The following DRAXIN variants were observed in gnomAD, a reference collection of about 807,000 sequenced individuals.
The protein encoded by DRAXIN is dorsal inhibitory axon guidance protein, also known as dorsal repulsive axon guidance protein.
A neutral mutation model predicts 33.9 loss-of-function variants in DRAXIN; 27 were observed. The ratio of observed to expected loss-of-function variants is 0.80; its 90% CI spans 0.59 to 1.10. DRAXIN has a LOEUF of 1.10. Ranked by LOEUF, DRAXIN falls within the 50% of genes least tolerant of loss-of-function variation. The pLI is 0.00. For synonymous variants in DRAXIN, 178 were observed against 194.0 expected, an observed-to-expected ratio of 0.92 and a Z score of 0.69; for missense variants, 371 against 460.8, an observed-to-expected ratio of 0.81 and a Z score of 1.78.
intron 1 of DRAXIN, among the ~76,000 whole-genome samples, chr1:11,703,931 G>A (rs1474429440): frequency 6.6e-6 from 1 of 152,164 alleles, no homozygotes; most frequent in African/African-American, 2.4e-5. Context: ...AGTGGGGCAG[G>A]AGTGGGAGTT....
Position 11,694,758 on chromosome 1 carries a change from G to T in DRAXIN, c.-11+2905G>T, listed in dbSNP as rs1047563792. Among the ~76,000 whole-genome samples, 5 of 152,148 alleles carry T rather than the reference G, an allele frequency of 3.3e-5. No individual in the cohort carries two copies. Among genetic ancestry groups the T allele is most frequent in the Non-Finnish European group, 7.3e-5 (5 of 68,030 alleles). ...CCCTACTCCAGCCTTCCTTCTCAGG[G>T]GTGAGTCGCTGTGGCCAGTGGTCCC... On this transcript the variant is annotated intron_variant, in intron 1 of 6. Coordinates refer to ENST00000294485, the MANE Select transcript of DRAXIN (RefSeq NM_198545.4). The surrounding 1 kb of genome is among the most constrained non-coding windows in gnomAD (Gnocchi z 4.9).
At chr1:11,718,642 A>AT (rs1641615713) in intron 6 of DRAXIN, among the ~76,000 whole-genome samples, 1 of 151,936 alleles carries the variant, frequency 6.6e-6, no homozygotes, top group Non-Finnish European at 1.5e-5. Flanking sequence ...TAATTTTTAC[A>AT]TTTTTTGTAG....
chr1:11,719,094 G>A lies in DRAXIN; in HGVS notation c.938-490G>A, dbSNP rs141825264. On this transcript the variant is annotated intron_variant, in intron 6 of 6. Coordinates refer to ENST00000294485, the MANE Select transcript of DRAXIN (RefSeq NM_198545.4). ...TTTTGTATTTTTTTAAGTAGAGACG[G>A]GGTTTCACCATGTTGGCCAGGCTGG... Among the ~76,000 whole-genome samples, 358 of 152,194 alleles carry A rather than the reference G, an allele frequency of 2.4e-3. 3 individuals are homozygous for A. The highest frequency in any genetic ancestry group is 8.3e-3 in the African/African-American group (343 of 41,556).
intron 2 of DRAXIN, 22 bp from the exon 3 acceptor site, chr1:11,709,253 T>TG: frequency 6.3e-7 from 1 of 1,592,612 alleles, no homozygotes; most frequent in Non-Finnish European, 8.6e-7. Context: ...ATAGCCCCCG[T>TG]GCTCCCCACC....
rs1641369154 is a variant in DRAXIN, at chr1:11,705,863, T to A, written c.-10-386T>A. Among the ~76,000 whole-genome samples the A allele has an allele frequency of 6.6e-6, 1 of 152,192 alleles. No individual in the cohort carries two copies. The highest frequency in any genetic ancestry group is 6.6e-5 in the Admixed American group (1 of 15,262). On this transcript the variant is annotated intron_variant, in intron 1 of 6. Coordinates refer to ENST00000294485, the MANE Select transcript of DRAXIN (RefSeq NM_198545.4). The surrounding 1 kb of genome is among the most constrained non-coding windows in gnomAD (Gnocchi z 4.8). ...ATTTCTGAGCTCTGAGGGACTCGGT[T>A]CCCTCTAGGGGACTTGGTAAGGGGC...
At chr1:11,699,926 C>CAATAAATAAATA (rs60342076) in intron 1 of DRAXIN, among the ~76,000 whole-genome samples, 144 of 142,714 alleles carry the variant, frequency 1.0e-3, no homozygotes, top group African/African-American at 3.4e-3. Context: ...GACTCACTCT[C>CAATAAATAAATA]AATAAATAAA....
At chr1:11,688,225 T>A (rs545512998), upstream of DRAXIN, among the ~76,000 whole-genome samples, 45 of 152,294 alleles carry the variant, frequency 3.0e-4, no homozygotes, top group African/African-American at 1.0e-3. The surrounding 1 kb of genome is among the most constrained non-coding windows in gnomAD (Gnocchi z 4.6). Flanking sequence ...GGTCTCTTGC[T>A]TTCACCCTTG....
Position 11,706,222 on chromosome 1 carries a change from G to A in DRAXIN, c.-10-27G>A, listed in dbSNP as rs760261931. On this transcript the variant is annotated intron_variant, in intron 1 of 6. Coordinates refer to ENST00000294485, the MANE Select transcript of DRAXIN (RefSeq NM_198545.4). The surrounding 1 kb of genome is among the most constrained non-coding windows in gnomAD (Gnocchi z 5.5). Reference sequence around the variant, plus strand: ...GCAGCAGAGAGAGGCCTGGGGCTGCGCATTCATGGTGTTGCTCTTCTTGCA... The same window carrying A: ...GCAGCAGAGAGAGGCCTGGGGCTGCACATTCATGGTGTTGCTCTTCTTGCA... 12 of 1,517,798 alleles carry A rather than the reference G, an allele frequency of 7.9e-6. No individual in the cohort carries two copies. Among genetic ancestry groups the A allele is most frequent in the South Asian group, 7.7e-5 (6 of 77,740 alleles). 94.0% of individuals were successfully genotyped at this position (1,517,798 alleles called of 1,614,324 possible).
At chr1:11,699,875 C>T (rs941023400) in intron 1 of DRAXIN, among the ~76,000 whole-genome samples, 11 of 151,870 alleles carry the variant, frequency 7.2e-5, no homozygotes, top group Admixed American at 2.6e-4. Context: ...TGAAGTGAGC[C>T]GAGATGGCGC....
chr1:11,711,907 C>T lies in DRAXIN; in HGVS notation c.699C>T (p.Phe233=), dbSNP rs1395242663. 6.8e-6 allele frequency: 11 copies of T among 1,613,808 alleles called. No homozygotes were observed. Among genetic ancestry groups the T allele is most frequent in the Middle Eastern group, 1.6e-4 (1 of 6,084 alleles). ...TGCCCACGCTGGACATGGCCTTGTTCGACTGGACCGATTATGAAGACTTAA... is the reference window on the plus strand; with the variant it reads ...TGCCCACGCTGGACATGGCCTTGTTTGACTGGACCGATTATGAAGACTTAA... The part of the protein sequence containing the change: ...EVMPTLDMAL[F]DWTDYEDLKP... Residue 233 remains phenylalanine (F), a synonymous_variant, in exon 4 of 7, where the codon TTC becomes TTT. Coordinates refer to ENST00000294485, the MANE Select transcript of DRAXIN (RefSeq NM_198545.4).
rs1641189561 is a variant in DRAXIN at position 11,696,172 on chromosome 1, C to A, written c.-11+4319C>A. Reference sequence around the variant, plus strand: ...ACACCCAGGCACAGATGCACAAATGCTTCCAGGAAACTCCCTGGCCCCCAC... The same window carrying A: ...ACACCCAGGCACAGATGCACAAATGATTCCAGGAAACTCCCTGGCCCCCAC... On this transcript the variant is annotated intron_variant, in intron 1 of 6. Transcript: ENST00000294485. This position sits in a 1 kb window ranked among gnomAD's most constrained non-coding sequence, Gnocchi z 4.7. 6.6e-6 allele frequency among the ~76,000 whole-genome samples: 1 copy of A among 152,206 alleles called. No homozygotes were observed. Among genetic ancestry groups the A allele is most frequent in the East Asian group, 1.9e-4 (1 of 5,194 alleles).
At chr1:11,711,592 C>T (rs983436472) in intron 3 of DRAXIN, among the ~76,000 whole-genome samples, 11 of 152,186 alleles carry the variant, frequency 7.2e-5, no homozygotes, top group Admixed American at 7.2e-4. Context: ...CCTCAGAGGG[C>T]CTGGTAGGTA....
At chr1:11,699,324 C>T (rs1338466666) in intron 1 of DRAXIN, among the ~76,000 whole-genome samples, 6 of 152,166 alleles carry the variant, frequency 3.9e-5, no homozygotes, top group Admixed American at 1.3e-4. Context: ...CACTCCACCA[C>T]CACCAAGAAT....
intron 3 of DRAXIN, among the ~76,000 whole-genome samples, chr1:11,710,298 C>G (rs951052084): frequency 2.6e-5 from 4 of 151,894 alleles, no homozygotes; most frequent in African/African-American, 9.7e-5. Flanking sequence ...TTGAGATTAT[C>G]CTGGGCAACA....
intron 5 of DRAXIN, among the ~76,000 whole-genome samples, chr1:11,713,195 T>A (rs1341547548): frequency 8.6e-6 from 1 of 115,878 alleles, no homozygotes; most frequent in Non-Finnish European, 1.7e-5. Context: ...TGAAATTCCG[T>A]CTCAAAAAAA....
In DRAXIN at chr1:11,714,944, G is replaced by A. The variant is rs143508278; in HGVS notation, c.848-175G>A. Among the ~76,000 whole-genome samples, 5 of 152,364 alleles carry A rather than the reference G, an allele frequency of 3.3e-5. No homozygotes were observed. The East Asian group carries it at 9.7e-4, about 29-fold the overall frequency. On this transcript the variant is annotated intron_variant, in intron 5 of 6. Coordinates refer to ENST00000294485, the MANE Select transcript of DRAXIN (RefSeq NM_198545.4). ...TCTGCCACCGACCCTTGGGGGCCTC[G>A]GCCATGACATCTCCCTGTGGTTCCA...
chr1:11,707,018 G>A (rs1249873141), intron 2 of DRAXIN, among the ~76,000 whole-genome samples: 2 of 152,076 alleles, frequency 1.3e-5, no homozygotes, highest in African/African-American at 4.8e-5. Context: ...TCGAGACCAC[G>A]GTGAAACCCC....
At position 11,719,610 on chromosome 1, in the gene DRAXIN, C is replaced by G; in HGVS notation, c.964C>G (p.Arg322Gly). 1 of 1,613,594 alleles carries G rather than the reference C, an allele frequency of 6.2e-7. No individual in the cohort carries two copies. Among genetic ancestry groups the G allele is most frequent in the Non-Finnish European group, 8.5e-7 (1 of 1,179,772 alleles). Residue 322 changes from arginine (R) to glycine (G), a missense_variant, in exon 7 of 7, where the codon CGG (arginine) becomes GGG (glycine). Coordinates refer to ENST00000294485, the MANE Select transcript of DRAXIN (RefSeq NM_198545.4). The part of the protein sequence containing the change: ...EGLRCYAKFH[R>G]NRRVTRRKGR... The stretch of plus-strand genomic sequence containing the variant: ...GCTGCGCTGCTATGCCAAATTCCAC[C>G]GGAACCGCAGGGTTACACGGAGGAA...
At position 11,706,543 on chromosome 1, in the gene DRAXIN, G is replaced by A. The variant is rs1356951213; in HGVS notation, c.285G>A (p.Gly95=). Residue 95 remains glycine, a synonymous_variant, in exon 2 of 7, where the codon GGG becomes GGA. Coordinates refer to ENST00000294485, the MANE Select transcript of DRAXIN (RefSeq NM_198545.4). This position sits in a 1 kb window ranked among gnomAD's most constrained non-coding sequence, Gnocchi z 5.5. The part of the protein sequence containing the change: ...RQASRLPEAE[G]LLPEQSPAGL... ...CCTCCAGGCTGCCAGAGGCTGAGGG[G>A]CTGCTGCCTGAGCAGAGTCCTGCAG... is the stretch of plus-strand genomic sequence containing the variant. 1 of 1,611,042 alleles carries A rather than the reference G, an allele frequency of 6.2e-7. No individual in the cohort carries two copies. Among genetic ancestry groups the A allele is most frequent in the Admixed American group, 1.7e-5 (1 of 59,712 alleles).
Sources: allele counts gnomAD v4.1 joint callset (sites outside exome capture counted in the v4.1 genomes callset), GRCh38; gene constraint gnomAD v4.1.1; non-coding constraint Gnocchi (gnomAD v3.1); transcripts MANE v1.5; gene names NCBI Gene and HGNC (gene_info 2026-07-23, HGNC 2026-07-21).